The following UGDH variants were observed in gnomAD, a reference collection of about 807,000 sequenced individuals.
UGDH encodes the protein UDP-Glc dehydrogenase.
In UGDH, 38 loss-of-function variants were observed where a neutral mutation model predicts 50.6. That is an observed-to-expected ratio of 0.75 (90% CI 0.58 to 0.98). UGDH has a LOEUF of 0.98. Ranked by LOEUF, UGDH falls within the 50% of genes least tolerant of loss-of-function variation. UGDH has a pLI of 0.00. For synonymous variants in UGDH, 168 were observed against 199.9 expected, an observed-to-expected ratio of 0.84 and a Z score of 1.35; for missense variants, 465 against 606.2, an observed-to-expected ratio of 0.77 and a Z score of 2.45.
intron 2 of UGDH, 43 bp from the exon 3 acceptor site, chr4:39,514,227 G>A (rs1364439942): frequency 2.1e-6 from 3 of 1,408,864 alleles, no homozygotes; most frequent in African/African-American, 2.9e-5. Flanking sequence ...TAGCTTGCCA[G>A]TGATATGAGA....
intron 10 of UGDH, 89 bp downstream of exon 10, chr4:39,504,327 CA>C: frequency 8.1e-7 from 1 of 1,230,634 alleles, no homozygotes. Context: ...AACAAAAAAA[CA>C]AAAAAACACA....
chr4:39,501,534 A>G (rs1257088385), intron 11 of UGDH, among the ~76,000 whole-genome samples: 1 of 151,790 alleles, frequency 6.6e-6, no homozygotes, highest in Non-Finnish European at 1.5e-5. Flanking sequence ...CGGCCTCCCA[A>G]AGTGCTGGGA....
chr4:39,509,150 C>CTT (rs200238430), intron 6 of UGDH, among the ~76,000 whole-genome samples: 18 of 145,644 alleles, frequency 1.2e-4, no homozygotes, highest in Admixed American at 2.1e-4. Flanking sequence ...AATTTTTTGT[C>CTT]TTTTTTTTTT....
chr4:39,521,634 A>G (rs147818096), intron 1 of UGDH, 115 bp from the exon 2 acceptor site: 1 of 837,646 alleles, frequency 1.2e-6, no homozygotes, highest in African/African-American at 1.8e-5. Flanking sequence ...ATCTGGAAAG[A>G]TTTCCTACAT....
intron 1 of UGDH, among the ~76,000 whole-genome samples, chr4:39,524,658 GC>G (rs1259529013): frequency 5.3e-5 from 8 of 151,968 alleles, no homozygotes; most frequent in Non-Finnish European, 8.8e-5. Context: ...ACAGGTGTCC[GC>G]CACCATGTCC....
intron 9 of UGDH, among the ~76,000 whole-genome samples, chr4:39,504,957 G>C (rs1401388468): frequency 2.0e-5 from 3 of 152,168 alleles, no homozygotes; most frequent in African/African-American, 4.8e-5. Context: ...AGTATCAATG[G>C]GAGTGATGGT....
intron 2 of UGDH, among the ~76,000 whole-genome samples, chr4:39,518,575 CA>C (rs1394142857): frequency 6.7e-6 from 1 of 150,186 alleles, no homozygotes; most frequent in Non-Finnish European, 1.5e-5. Context: ...AGTCGGCCTC[CA>C]AAAGTGCTGG....
intron 1 of UGDH, chr4:39,526,422 A>G (rs1037717340): frequency 6.6e-6 from 1 of 152,236 alleles, no homozygotes; most frequent in Non-Finnish European, 1.5e-5. Context: ...CACATCTCAG[A>G]GCAGACAGTC....
intron 3 of UGDH, among the ~76,000 whole-genome samples, chr4:39,512,086 C>T (rs1226219019): frequency 6.6e-6 from 1 of 150,954 alleles, no homozygotes; most frequent in Non-Finnish European, 1.5e-5. Flanking sequence ...TTACATGTAA[C>T]CTTGGAGAAG....
intron 7 of UGDH, among the ~76,000 whole-genome samples, chr4:39,506,476 T>C (rs912801653): frequency 9.2e-5 from 14 of 152,196 alleles, no homozygotes; most frequent in Non-Finnish European, 8.8e-5. Context: ...TATTCCTTCA[T>C]TTGCTTGTGC....
intron 6 of UGDH, among the ~76,000 whole-genome samples, chr4:39,509,499 C>T (rs960852218): frequency 6.6e-6 from 1 of 152,188 alleles, no homozygotes; most frequent in Non-Finnish European, 1.5e-5. Context: ...AGTTTGCCCA[C>T]CCTTGCTCTA....
intron 1 of UGDH, 43 bp downstream of exon 1, chr4:39,527,240 C>T (rs1036489637): frequency 4.5e-5 from 35 of 783,688 alleles, no homozygotes; most frequent in Non-Finnish European, 5.5e-5. Context: ...GACCTGGGAG[C>T]ATCCCGCCCG....
intron 2 of UGDH, among the ~76,000 whole-genome samples, chr4:39,516,243 C>T (rs1230987194): frequency 1.3e-5 from 2 of 152,058 alleles, no homozygotes; most frequent in Non-Finnish European, 2.9e-5. Context: ...AAGATCGGGC[C>T]ACTGCACTCC....
In UGDH at chr4:39,514,188, A is replaced by G; in HGVS notation, c.163-4T>C. The G allele has an allele frequency of 7.1e-7, 1 of 1,410,450 alleles. No individual in the cohort carries two copies. Among genetic ancestry groups the G allele is most frequent in the Non-Finnish European group, 9.1e-7 (1 of 1,096,888 alleles). The allele number at this position is 1,410,450 out of a possible 1,614,324, so 87.4% of individuals were successfully genotyped here. On this transcript the variant is annotated splice_region_variant and splice_polypyrimidine_tract_variant and intron_variant, in intron 2 of 11. Coordinates refer to ENST00000316423, the MANE Select transcript of UGDH (RefSeq NM_003359.4). ...CTACCACTTCTTTTAGTCCTGGCTA[A>G]AAAGAAAAAAGAAAAGGAATTGTAC...
intron 7 of UGDH, among the ~76,000 whole-genome samples, chr4:39,506,150 C>G (rs971811350): frequency 2.0e-5 from 3 of 148,022 alleles, no homozygotes; most frequent in Non-Finnish European, 3.0e-5. Flanking sequence ...ATGGCTTGAG[C>G]ACAGGAGGCA....
chr4:39,509,760 C>T lies in UGDH; in HGVS notation c.811G>A (p.Gly271Arg), dbSNP rs1578269200. The T allele has an allele frequency of 2.5e-6, 4 of 1,595,756 alleles. No individual in the cohort carries two copies. Among genetic ancestry groups the T allele is most frequent in the Non-Finnish European group, 2.6e-6 (3 of 1,175,274 alleles). Reference protein sequence around the residue: ...IGNKFLKASVGFGGSCFQKDV... With the variant: ...IGNKFLKASVRFGGSCFQKDV... ...CTACTAGAGAAAAATTTGAATTTACCAACACTGGCTTTTAGAAACTTGTTT... is the reference window on the plus strand; with the variant it reads ...CTACTAGAGAAAAATTTGAATTTACTAACACTGGCTTTTAGAAACTTGTTT... Residue 271 changes from glycine to arginine, a missense_variant and splice_region_variant, in exon 6 of 12, where the codon GGG (glycine) becomes AGG (arginine). Gly to Arg is a moderately radical substitution (Grantham distance 125). Transcript: ENST00000316423.
intron 2 of UGDH, among the ~76,000 whole-genome samples, chr4:39,515,894 T>C (rs1255810303): frequency 3.3e-5 from 5 of 151,926 alleles, no homozygotes; most frequent in Non-Finnish European, 7.4e-5. Context: ...GAGACGGGGT[T>C]TTTCCATGTT....
intron 7 of UGDH, among the ~76,000 whole-genome samples, chr4:39,507,655 A>G (rs911175360): frequency 1.3e-5 from 2 of 152,180 alleles, no homozygotes; most frequent in African/African-American, 2.4e-5. Flanking sequence ...CTTTCAAGAT[A>G]GAGAAGAATT....
intron 2 of UGDH, among the ~76,000 whole-genome samples, chr4:39,519,358 T>C (rs1746556050): frequency 6.6e-6 from 1 of 152,044 alleles, no homozygotes. Context: ...GCCTGGCTTA[T>C]TTGTGAAGAC....
Sources: gnomAD v4.1 joint callset for allele counts (sites outside exome capture counted in the v4.1 genomes callset) on GRCh38, gnomAD v4.1.1 for gene constraint, MANE v1.5 for transcripts, NCBI Gene and HGNC (gene_info 2026-07-23, HGNC 2026-07-21) for gene names.